Variants in MAD1L1 observed in about 807,000 individuals in gnomAD.
MAD1L1 encodes the protein mitotic arrest deficient 1 like 1.
MAD1L1 carries 95 observed loss-of-function variants against 96.9 expected under a neutral mutation model. The observed-to-expected ratio is 0.98, with a 90% CI of 0.83 to 1.16. The LOEUF is 1.16. Among genes scored for constraint, MAD1L1 ranks in the 50% most tolerant of loss-of-function variants. The pLI is 0.00. For synonymous variants in MAD1L1, 473 were observed against 396.6 expected, an observed-to-expected ratio of 1.19 and a Z score of -2.29; for missense variants, 1,007 against 954.4, an observed-to-expected ratio of 1.06 and a Z score of -0.73.
intron 18 of MAD1L1, among the ~76,000 whole-genome samples, chr7:1,822,677 G>A (rs1024950270): frequency 2.6e-5 from 4 of 151,370 alleles, no homozygotes; most frequent in Non-Finnish European, 5.9e-5. Context: ...TTTTGCCTTG[G>A]CTTCCCCAAG....
rs886851378 is a variant in MAD1L1, at chr7:2,110,331, C to T, written c.1073+38821G>A. Among the ~76,000 whole-genome samples, 4 of 152,222 alleles carry T rather than the reference C, an allele frequency of 2.6e-5. No individual in the cohort carries two copies. The South Asian group carries it at 6.2e-4, about 24-fold the overall frequency. ...CGCCTCGGTACACAGCAGGCACAAC[C>T]AAGCGAGCAGCTGCCCGGCTGCTCC... On this transcript the variant is annotated intron_variant, in intron 11 of 18. Transcript: ENST00000265854.
At chr7:1,853,421 A>G (rs1721522418) in intron 18 of MAD1L1, among the ~76,000 whole-genome samples, 1 of 152,158 alleles carries the variant, frequency 6.6e-6, no homozygotes, top group Admixed American at 6.5e-5. Flanking sequence ...CCCTGCCTTC[A>G]TTCAACAAAC....
At chr7:2,093,065 G>A (rs1160662091) in intron 11 of MAD1L1, among the ~76,000 whole-genome samples, 9 of 150,504 alleles carry the variant, frequency 6.0e-5, no homozygotes, top group Non-Finnish European at 1.2e-4. Flanking sequence ...GTGAAACCCC[G>A]TCTCTACAAA....
intron 15 of MAD1L1, among the ~76,000 whole-genome samples, chr7:1,963,897 C>T (rs1780052782): frequency 1.3e-5 from 2 of 152,244 alleles, no homozygotes; most frequent in Admixed American, 6.5e-5. Flanking sequence ...GGTGGCCGTG[C>T]AGTGTGAGAC....
chr7:1,820,156 G>A (rs1450004186), intron 18 of MAD1L1, among the ~76,000 whole-genome samples: 1 of 152,080 alleles, frequency 6.6e-6, no homozygotes, highest in East Asian at 1.9e-4. Flanking sequence ...GTAAGTGCCT[G>A]GAAATTAAAC....
At chr7:1,878,755 G>A (rs889485573) in intron 18 of MAD1L1, among the ~76,000 whole-genome samples, 2 of 143,204 alleles carry the variant, frequency 1.4e-5, no homozygotes, top group East Asian at 2.0e-4. Context: ...TTCTTATTCA[G>A]CACTGTACTG....
intron 10 of MAD1L1, among the ~76,000 whole-genome samples, chr7:2,177,017 A>G (rs1033760418): frequency 6.6e-6 from 1 of 152,242 alleles, no homozygotes; most frequent in Non-Finnish European, 1.5e-5. Context: ...TGTTATTAAA[A>G]GACGTATTTC....
intron 11 of MAD1L1, among the ~76,000 whole-genome samples, chr7:2,086,820 G>T (rs774912840): frequency 1.1e-4 from 17 of 152,180 alleles, no homozygotes; most frequent in Non-Finnish European, 1.9e-4. Context: ...CTCCCAAATT[G>T]CTGGGATTAC....
In MAD1L1 at chr7:1,966,221, G is replaced by A. The variant is rs188387218; in HGVS notation, c.1506-8502C>T. Among the ~76,000 whole-genome samples the A allele has an allele frequency of 3.3e-5, 5 of 152,364 alleles. No individual in the cohort carries two copies. The South Asian group carries it at 6.2e-4, about 19-fold the overall frequency. On this transcript the variant is annotated intron_variant, in intron 15 of 18. Coordinates refer to ENST00000265854, the MANE Select transcript of MAD1L1 (RefSeq NM_001013836.2). ...ACCTGGGCTAGAAACCACCCAGGTC[G>A]GCTCACTGCTAAACTAAAACACTCT... is the stretch of plus-strand genomic sequence containing the variant.
intron 11 of MAD1L1, among the ~76,000 whole-genome samples, chr7:2,144,270 C>T (rs1789184395): frequency 1.3e-5 from 2 of 152,328 alleles, no homozygotes; most frequent in African/African-American, 2.4e-5. Flanking sequence ...CACAGCGCAG[C>T]GCATGGTGAG....
At chr7:1,906,853 C>T (rs188423503) in intron 17 of MAD1L1, among the ~76,000 whole-genome samples, 3 of 152,258 alleles carry the variant, frequency 2.0e-5, no homozygotes, top group African/African-American at 7.2e-5. Flanking sequence ...AGCACACACA[C>T]AGCGGACGGG....
intron 12 of MAD1L1, among the ~76,000 whole-genome samples, chr7:2,029,933 A>C (rs1244670355): frequency 6.6e-6 from 1 of 152,190 alleles, no homozygotes; most frequent in Admixed American, 6.5e-5. Context: ...AAATCCAAGG[A>C]ACAGAAACAA....
intron 12 of MAD1L1, among the ~76,000 whole-genome samples, chr7:2,063,691 C>T (rs1784759370): frequency 6.6e-6 from 1 of 152,234 alleles, no homozygotes; most frequent in Non-Finnish European, 1.5e-5. Context: ...TTCTAAATCG[C>T]TGCGCAGCCT....
chr7:1,818,392 ATTTTT>A (rs952751109), intron 18 of MAD1L1, among the ~76,000 whole-genome samples: 1 of 151,060 alleles, frequency 6.6e-6, no homozygotes, highest in African/African-American at 2.4e-5. Flanking sequence ...TTCTAAAAAT[ATTTTT>A]TTTTAGAGAC....
chr7:2,087,362 A>T (rs1370260480), intron 11 of MAD1L1, among the ~76,000 whole-genome samples: 1 of 152,296 alleles, frequency 6.6e-6, no homozygotes, highest in African/African-American at 2.4e-5. Context: ...CAACATGGCG[A>T]AACCCTGTCT....
chr7:1,920,869 C>T (rs567072295), intron 17 of MAD1L1, among the ~76,000 whole-genome samples: 5 of 152,354 alleles, frequency 3.3e-5, no homozygotes, highest in African/African-American at 1.2e-4. Flanking sequence ...CAGCAAAAAA[C>T]CCTAATCTTC....
chr7:2,070,229 G>T (rs1562657128), intron 11 of MAD1L1, among the ~76,000 whole-genome samples: 1 of 152,210 alleles, frequency 6.6e-6, no homozygotes, highest in Non-Finnish European at 1.5e-5. Flanking sequence ...CACTGACCCT[G>T]ACTGCAGAAC....
chr7:2,180,296 G>A (rs1430942772), intron 10 of MAD1L1, among the ~76,000 whole-genome samples: 1 of 152,230 alleles, frequency 6.6e-6, no homozygotes, highest in African/African-American at 2.4e-5. Flanking sequence ...GGCAAAGGCA[G>A]AGTGGCCACC....
At chr7:1,935,589 G>A (rs533487071) in intron 17 of MAD1L1, among the ~76,000 whole-genome samples, 1 of 152,322 alleles carries the variant, frequency 6.6e-6, no homozygotes, top group South Asian at 2.1e-4. Context: ...GCGGGGCAGA[G>A]GACAATCACT....
Sources: allele counts gnomAD v4.1 joint callset (sites outside exome capture counted in the v4.1 genomes callset), GRCh38; gene constraint gnomAD v4.1.1; transcripts MANE v1.5; gene names NCBI Gene and HGNC (gene_info 2026-07-23, HGNC 2026-07-21).